LSAMP: variants seen among roughly 807,000 people sequenced by gnomAD.
LSAMP encodes limbic system associated membrane protein, also known as limbic system-associated membrane protein.
A neutral mutation model predicts 38.6 loss-of-function variants in LSAMP; 7 were observed. The observed-to-expected ratio is 0.18, with a 90% CI of 0.10 to 0.34. The LOEUF (loss-of-function observed/expected upper bound fraction) is 0.34. Among genes scored for constraint, LSAMP ranks in the 10% least tolerant of loss-of-function variants. The probability of loss-of-function intolerance (pLI) is 1.00; values close to 1 mark genes in which losing one functional copy is unlikely to be tolerated. For missense variants in LSAMP, 313 were observed against 420.0 expected (o/e 0.75, Z 2.23); for synonymous variants, 154 against 166.8 (o/e 0.92, Z 0.59).
At chr3:116,129,827 A>T (rs1441593231) in intron 1 of LSAMP, among the ~76,000 whole-genome samples, 1 of 152,168 alleles carries the variant, frequency 6.6e-6, no homozygotes, top group African/African-American at 2.4e-5. Context: ...CCCTTCGGGG[A>T]TGTACCGTCT....
chr3:116,348,994 C>T (rs911745169), intron 1 of LSAMP, among the ~76,000 whole-genome samples: 7 of 152,210 alleles, frequency 4.6e-5, no homozygotes, highest in Non-Finnish European at 1.0e-4. Flanking sequence ...GAATTTCAAT[C>T]TTGGCTTAGC....
chr3:116,407,097 T>TA (rs956701695), intron 1 of LSAMP, among the ~76,000 whole-genome samples: 13 of 151,756 alleles, frequency 8.6e-5, no homozygotes, highest in Admixed American at 3.3e-4. Context: ...AGAAGACTGA[T>TA]AAAAAAAATA....
At chr3:116,351,170 T>C (rs559099761) in intron 1 of LSAMP, among the ~76,000 whole-genome samples, 1 of 151,902 alleles carries the variant, frequency 6.6e-6, no homozygotes, top group Admixed American at 6.6e-5. Context: ...AAGTTCGGAT[T>C]TGGGGGAGTA....
chr3:116,217,072 C>T (rs1488700791), intron 1 of LSAMP, among the ~76,000 whole-genome samples: 1 of 152,166 alleles, frequency 6.6e-6, no homozygotes, highest in East Asian at 1.9e-4. Context: ...CTGGCACATT[C>T]TGAGGCAGTT....
rs548239627 is a variant in LSAMP, at chr3:116,318,183, C to G, written c.155+126694G>C. On this transcript the variant is annotated intron_variant, in intron 1 of 6. Coordinates refer to ENST00000490035, the MANE Select transcript of LSAMP (RefSeq NM_002338.5). The stretch of plus-strand genomic sequence containing the variant: ...TTAGTAATACAACGTGCACTCTTAT[C>G]TCTGATCATGGCAAAGTGTGTCATG... Among the ~76,000 whole-genome samples the G allele has an allele frequency of 4.0e-5, 6 of 151,022 alleles. No homozygotes were observed. In the East Asian group the frequency reaches 1.2e-3, roughly 29 times the overall value.
chr3:115,870,141 C>T (rs925607926), intron 3 of LSAMP, among the ~76,000 whole-genome samples: 2 of 152,096 alleles, frequency 1.3e-5, no homozygotes, highest in Non-Finnish European at 2.9e-5. Flanking sequence ...TTTATATTGT[C>T]TATGGCTGCT....
intron 1 of LSAMP, among the ~76,000 whole-genome samples, chr3:116,355,199 G>A (rs2048205354): frequency 6.6e-6 from 1 of 151,948 alleles, no homozygotes; most frequent in Admixed American, 6.6e-5. Flanking sequence ...GAAAAAAACA[G>A]CAAGCCAATT....
chr3:116,003,877 G>T (rs970039502), intron 3 of LSAMP, among the ~76,000 whole-genome samples: 2 of 152,116 alleles, frequency 1.3e-5, no homozygotes, highest in Non-Finnish European at 2.9e-5. Flanking sequence ...CCTTGATTTT[G>T]GAATTCTGGC....
At chr3:116,290,671 A>C (rs912150742) in intron 1 of LSAMP, among the ~76,000 whole-genome samples, 3 of 151,542 alleles carry the variant, frequency 2.0e-5, no homozygotes, top group Non-Finnish European at 2.9e-5. Context: ...CGGAGGTTGC[A>C]GTGAGCCAAG....
intron 1 of LSAMP, among the ~76,000 whole-genome samples, chr3:116,208,392 C>T (rs2046099970): frequency 6.6e-6 from 1 of 152,068 alleles, no homozygotes; most frequent in Non-Finnish European, 1.5e-5. Context: ...AAGCCTTCTT[C>T]TCTCAGCTCA....
rs1000681528 is a variant in LSAMP, at chr3:115,845,744, C to T, written c.650-3166G>A. ...CTAAAAATGGGAACATTTAGGTCTC[C>T]CTGACCACTCTTTTCCTTACTTCTC... On this transcript the variant is annotated intron_variant, in intron 4 of 6. Transcript: ENST00000490035. Among the ~76,000 whole-genome samples the T allele has an allele frequency of 1.2e-4, 19 of 152,140 alleles. 1 individual carries two copies. The highest frequency in any genetic ancestry group is 1.2e-3 in the Admixed American group (19 of 15,272).
At chr3:116,026,795 C>T (rs1397651867) in intron 2 of LSAMP, among the ~76,000 whole-genome samples, 2 of 152,190 alleles carry the variant, frequency 1.3e-5, no homozygotes, top group Admixed American at 6.5e-5. Context: ...GGGTGACATA[C>T]TTTTTCATCC....
chr3:116,430,787 T>A (rs899465083), intron 1 of LSAMP, among the ~76,000 whole-genome samples: 5 of 152,006 alleles, frequency 3.3e-5, no homozygotes, highest in African/African-American at 7.2e-5. Flanking sequence ...TAGAGCTAGG[T>A]CTTCTGGCCC....
chr3:116,157,971 AC>A (rs1390187013), intron 1 of LSAMP, among the ~76,000 whole-genome samples: 1 of 152,172 alleles, frequency 6.6e-6, no homozygotes, highest in African/African-American at 2.4e-5. Context: ...ATACTAGCAA[AC>A]CAAATCTAGC....
At chr3:116,100,333 G>A (rs1708318018) in intron 1 of LSAMP, among the ~76,000 whole-genome samples, 1 of 152,060 alleles carries the variant, frequency 6.6e-6, no homozygotes, top group Admixed American at 6.5e-5. Flanking sequence ...GCTTGCCTCA[G>A]CCTCCCAAAG....
At chr3:116,163,550 C>G (rs988280531) in intron 1 of LSAMP, among the ~76,000 whole-genome samples, 12 of 151,534 alleles carry the variant, frequency 7.9e-5, no homozygotes, top group African/African-American at 2.9e-4. Flanking sequence ...GTGCATGTGT[C>G]TTTATAGCAG....
chr3:115,946,225 C>A (rs1938092752), intron 3 of LSAMP, among the ~76,000 whole-genome samples: 2 of 152,094 alleles, frequency 1.3e-5, no homozygotes, highest in Admixed American at 6.6e-5. Context: ...ATCATACAAA[C>A]TGAGAGTAGA....
intron 1 of LSAMP, among the ~76,000 whole-genome samples, chr3:116,232,709 T>C (rs1446063396): frequency 6.9e-6 from 1 of 145,224 alleles, no homozygotes; most frequent in African/African-American, 2.5e-5. Context: ...CTTTTTTTTT[T>C]TTTTTTTCCA....
chr3:115,986,106 G>C (rs1939502551), intron 3 of LSAMP, among the ~76,000 whole-genome samples: 1 of 152,128 alleles, frequency 6.6e-6, no homozygotes, highest in African/African-American at 2.4e-5. Context: ...AAAGCCAACT[G>C]CTTCTTGATC....
Sources: allele counts gnomAD v4.1 joint callset (sites outside exome capture counted in the v4.1 genomes callset), GRCh38; gene constraint gnomAD v4.1.1; transcripts MANE v1.5; gene names NCBI Gene and HGNC (gene_info 2026-07-23, HGNC 2026-07-21).